Variants in NEO1 observed in about 807,000 individuals in gnomAD.
NEO1 encodes neogenin.
In NEO1, 63 loss-of-function variants were observed where a neutral mutation model predicts 159.7. That is an observed-to-expected ratio of 0.39 (90% confidence interval 0.32 to 0.49). The LOEUF is 0.49. NEO1 is among the 20% of genes least tolerant of loss of function. NEO1 has a pLI of 0.85. For synonymous variants in NEO1, 633 were observed against 662.0 expected (o/e 0.96, Z 0.67); for missense variants, 1,615 against 1,831.0 (o/e 0.88, Z 2.15).
chr15:73,135,574 G>C (rs2031655836), intron 4 of NEO1, among the ~76,000 whole-genome samples: 1 of 152,186 alleles, frequency 6.6e-6, no homozygotes, highest in African/African-American at 2.4e-5. Flanking sequence ...AAACTGGCCA[G>C]AATAGGGAGA....
Position 73,270,466 on chromosome 15 carries a change from C to T in NEO1, c.2857+12C>T. 1 of 1,599,238 alleles carries T rather than the reference C, an allele frequency of 6.3e-7. No homozygotes were observed. The highest frequency in any genetic ancestry group is 8.5e-7 in the Non-Finnish European group (1 of 1,173,910). ...CACCTTTGAATTAGGTATGTGTTGTCAGAAGCCATGTCACATGGCTGCTTT... is the reference window on the plus strand; with the variant it reads ...CACCTTTGAATTAGGTATGTGTTGTTAGAAGCCATGTCACATGGCTGCTTT... On this transcript the variant is annotated intron_variant, in intron 18 of 28. Coordinates refer to ENST00000261908, the MANE Select transcript of NEO1 (RefSeq NM_002499.4).
At chr15:73,195,677 G>A (rs1353999556) in intron 7 of NEO1, among the ~76,000 whole-genome samples, 1 of 151,982 alleles carries the variant, frequency 6.6e-6, no homozygotes, top group African/African-American at 2.4e-5. Flanking sequence ...CCCTTATATA[G>A]CATGTATCTG....
At chr15:73,153,160 T>A (rs2033514976) in intron 5 of NEO1, among the ~76,000 whole-genome samples, 1 of 152,188 alleles carries the variant, frequency 6.6e-6, no homozygotes, top group South Asian at 2.1e-4. Flanking sequence ...AATTTCAGCC[T>A]TTTTGTTTCT....
chr15:73,178,857 T>C (rs1293589947), intron 7 of NEO1, among the ~76,000 whole-genome samples: 5 of 152,136 alleles, frequency 3.3e-5, no homozygotes, highest in Admixed American at 3.3e-4. Flanking sequence ...TACATATAAG[T>C]GACAATTCTG....
chr15:73,239,417 A>G (rs1204710912), intron 8 of NEO1, among the ~76,000 whole-genome samples: 9 of 152,182 alleles, frequency 5.9e-5, no homozygotes. Flanking sequence ...ATTGTTTGCA[A>G]GATTATAAAA....
At chr15:73,230,732 A>T (rs2038862686) in intron 7 of NEO1, among the ~76,000 whole-genome samples, 1 of 152,150 alleles carries the variant, frequency 6.6e-6, no homozygotes, top group Admixed American at 6.5e-5. Context: ...CTGGGACTAC[A>T]GGTGCACACC....
chr15:73,210,859 A>G (rs1377224663), intron 7 of NEO1, among the ~76,000 whole-genome samples: 1 of 152,172 alleles, frequency 6.6e-6, no homozygotes, highest in Non-Finnish European at 1.5e-5. Flanking sequence ...GCACTATATA[A>G]GCTCATGTTT....
At chr15:73,236,573 C>A in intron 8 of NEO1, 67 bp downstream of exon 8, 2 of 1,445,766 alleles carry the variant, frequency 1.4e-6, no homozygotes, top group South Asian at 1.2e-5. Context: ...CATGCTCACC[C>A]TGGCTCTTGG....
chr15:73,237,858 T>C (rs931634012), intron 8 of NEO1, among the ~76,000 whole-genome samples: 9 of 152,228 alleles, frequency 5.9e-5, no homozygotes, highest in African/African-American at 2.2e-4. Context: ...ATTTAGTAAT[T>C]CTGCGTAATA....
Position 73,270,462 on chromosome 15 carries a change from T to C in NEO1, c.2857+8T>C. On this transcript the variant is annotated splice_region_variant and intron_variant, in intron 18 of 28. Coordinates refer to ENST00000261908, the MANE Select transcript of NEO1 (RefSeq NM_002499.4). ...GGACCACCTTTGAATTAGGTATGTG[T>C]TGTCAGAAGCCATGTCACATGGCTG... The C allele has an allele frequency of 6.2e-7, 1 of 1,604,770 alleles. No individual in the cohort carries two copies. The highest frequency in any genetic ancestry group is 8.5e-7 in the Non-Finnish European group (1 of 1,176,686).
chr15:73,052,753 C>A lies in NEO1; in HGVS notation c.78C>A (p.Arg26=). 7.9e-7 allele frequency: 1 copy of A among 1,271,254 alleles called. No homozygotes were observed. The highest frequency in any genetic ancestry group is 2.1e-5 in the South Asian group (1 of 48,552). The allele number at this position is 1,271,254 out of a possible 1,614,324, so 78.7% of individuals were successfully genotyped here. The change falls in exon 1 of 29, where the codon CGC becomes CGA. Residue 26 remains arginine, a synonymous_variant. Transcript: ENST00000261908. The part of the protein sequence containing the change: ...FWLYCLLLLG[R]RAPGAAAARS... ...TCTACTGCCTGCTGCTGCTCGGGCG[C>A]CGGGCGCCGGGCGCCGCGGCCGCCA...
chr15:73,081,289 G>C (rs1244068719), intron 1 of NEO1, among the ~76,000 whole-genome samples: 1 of 151,998 alleles, frequency 6.6e-6, no homozygotes, highest in African/African-American at 2.4e-5. Context: ...CTGGACTATA[G>C]ATAATCACAT....
rs117994822 is a variant in NEO1, at chr15:73,282,317, C to T, written c.3263-647C>T. 2.6e-5 allele frequency among the ~76,000 whole-genome samples: 4 copies of T among 152,296 alleles called. No individual in the cohort carries two copies. The East Asian group carries it at 7.7e-4, about 29-fold the overall frequency. ...TCGTTTATCCCATTCCCCCGCCAAA[C>T]GTTCACATCTTTGTTGTTCACCATT... is the stretch of plus-strand genomic sequence containing the variant. On this transcript the variant is annotated intron_variant, in intron 22 of 28. Coordinates refer to ENST00000261908, the MANE Select transcript of NEO1 (RefSeq NM_002499.4).
intron 2 of NEO1, 147 bp from the exon 3 acceptor site, chr15:73,122,378 A>G: frequency 7.5e-6 from 5 of 669,370 alleles, no homozygotes; most frequent in Non-Finnish European, 1.2e-5. Flanking sequence ...GTATCCCTGT[A>G]TTTAGCTAAT....
At chr15:73,063,442 G>T (rs2068067218) in intron 1 of NEO1, among the ~76,000 whole-genome samples, 1 of 151,662 alleles carries the variant, frequency 6.6e-6, no homozygotes, top group South Asian at 2.1e-4. Context: ...AAAAATACAT[G>T]AAAATTAGAT....
intron 5 of NEO1, among the ~76,000 whole-genome samples, chr15:73,137,633 A>G (rs2031908584): frequency 6.6e-6 from 1 of 152,168 alleles, no homozygotes; most frequent in Non-Finnish European, 1.5e-5. Flanking sequence ...AGTAGCTGAG[A>G]CTACAGGCAT....
At chr15:73,060,602 A>G (rs995929501) in intron 1 of NEO1, among the ~76,000 whole-genome samples, 5 of 151,788 alleles carry the variant, frequency 3.3e-5, no homozygotes, top group Non-Finnish European at 7.4e-5. Context: ...AGAGTGTTGT[A>G]TATTCAAGGG....
intron 5 of NEO1, among the ~76,000 whole-genome samples, chr15:73,158,309 C>A (rs1432365084): frequency 6.9e-6 from 1 of 144,414 alleles, no homozygotes; most frequent in East Asian, 2.2e-4. Context: ...TATTAAATGG[C>A]ATTTCATTGA....
At chr15:73,206,290 A>G (rs1016356709) in intron 7 of NEO1, among the ~76,000 whole-genome samples, 1 of 151,608 alleles carries the variant, frequency 6.6e-6, no homozygotes, top group Non-Finnish European at 1.5e-5. Flanking sequence ...CTGTTTCCTT[A>G]TTTGCTGTTT....
Sources: allele counts gnomAD v4.1 joint callset (sites outside exome capture counted in the v4.1 genomes callset), GRCh38; gene constraint gnomAD v4.1.1; transcripts MANE v1.5; gene names NCBI Gene and HGNC (gene_info 2026-07-23, HGNC 2026-07-21).